TRMT44: variants seen among roughly 807,000 people sequenced by gnomAD.
The protein encoded by TRMT44 is tRNA methyltransferase 44 homolog.
TRMT44 carries 78 observed loss-of-function variants against 77.3 expected under a neutral mutation model. The observed-to-expected ratio is 1.01, with a 90% confidence interval of 0.84 to 1.22. The LOEUF is 1.22. Ranked by LOEUF, TRMT44 falls within the 50% of genes most tolerant of loss-of-function variation. The probability of loss-of-function intolerance (pLI) is 0.00; values close to 1 mark genes in which losing one functional copy is unlikely to be tolerated. For synonymous variants in TRMT44, 391 were observed against 383.3 expected (o/e 1.02, Z -0.23); for missense variants, 1,090 against 964.4 (o/e 1.13, Z -1.73).
chr4:8,470,917 G>A (rs1263417391), intron 9 of TRMT44, 167 bp from the exon 10 acceptor site: 5 of 555,980 alleles, frequency 9.0e-6, no homozygotes, highest in African/African-American at 3.8e-5. Context: ...CGGCCCTCAC[G>A]GTTTGGTGCG....
At chr4:8,516,180 A>C in the TRMT44 span, among the ~76,000 whole-genome samples, 10 of 152,256 alleles carry the variant, frequency 6.6e-5, no homozygotes, top group South Asian at 1.5e-3. Context: ...GCTCCAACCC[A>C]CCACCTTGTG....
the TRMT44 span, among the ~76,000 whole-genome samples, chr4:8,503,352 G>A: frequency 2.6e-5 from 4 of 152,328 alleles, no homozygotes; most frequent in South Asian, 2.1e-4. Flanking sequence ...CAGTCGGACC[G>A]GCTCAAGCAT....
chr4:8,496,988 A>T (rs572789177), downstream of TRMT44, among the ~76,000 whole-genome samples: 1 of 152,178 alleles, frequency 6.6e-6, no homozygotes, highest in African/African-American at 2.4e-5. Flanking sequence ...TCACTCTAAG[A>T]AAAGTAAAAG....
Position 8,451,346 on chromosome 4 carries a change from A to T in TRMT44, c.955-614A>T, listed in dbSNP as rs1176713810. ...TATTGTCTAAGGCGCTGTGACTGGA[A>T]ATAGAAATTTCAACTTTTAACATTG... is the stretch of plus-strand genomic sequence containing the variant. On this transcript the variant is annotated intron_variant, in intron 3 of 10. Transcript: ENST00000389737. This position sits in a 1 kb window ranked among gnomAD's most constrained non-coding sequence, Gnocchi z 4.1. Among the ~76,000 whole-genome samples the T allele has an allele frequency of 6.6e-6, 1 of 152,166 alleles. No individual in the cohort carries two copies. Among genetic ancestry groups the T allele is most frequent in the Non-Finnish European group, 1.5e-5 (1 of 68,034 alleles).
chr4:8,462,659 C>T (rs756516067), intron 6 of TRMT44, among the ~76,000 whole-genome samples: 2 of 152,296 alleles, frequency 1.3e-5, no homozygotes, highest in African/African-American at 2.4e-5. Context: ...GAGCCGAGAT[C>T]GCGCCACTGC....
chr4:8,459,924 C>T (rs1208673817), intron 6 of TRMT44, among the ~76,000 whole-genome samples: 1 of 152,074 alleles, frequency 6.6e-6, no homozygotes, highest in African/African-American at 2.4e-5. Context: ...TAGTGGCCGC[C>T]GCTGGAGAAG....
chr4:8,458,841 T>G (rs1368265014), intron 6 of TRMT44, among the ~76,000 whole-genome samples: 1 of 152,126 alleles, frequency 6.6e-6, no homozygotes, highest in Non-Finnish European at 1.5e-5. Flanking sequence ...ACTTTTATGT[T>G]TATATTATTG....
chr4:8,465,594 G>T, intron 8 of TRMT44, 33 bp downstream of exon 8: 1 of 1,579,956 alleles, frequency 6.3e-7, no homozygotes, highest in Non-Finnish European at 8.6e-7. Context: ...TCTAGGCGGT[G>T]TGTCGGTGTT....
At chr4:8,490,467 C>T (rs1488330593) in intron 2 of TRMT44, among the ~76,000 whole-genome samples, 4 of 151,360 alleles carry the variant, frequency 2.6e-5, no homozygotes, top group African/African-American at 7.3e-5. Flanking sequence ...TAAGGCAGCG[C>T]GTCTGGAGTT....
Position 8,444,280 on chromosome 4 carries a change from G to T in TRMT44, c.620-2196G>T, listed in dbSNP as rs568934970. ...AGGATGGTTACCAGAGGGTGGGAAGGGGAGTGGAGGGTTGGGGGAGAGGTG... is the reference window on the plus strand; with the variant it reads ...AGGATGGTTACCAGAGGGTGGGAAGTGGAGTGGAGGGTTGGGGGAGAGGTG... On this transcript the variant is annotated intron_variant, in intron 1 of 10. Coordinates refer to ENST00000389737, the MANE Select transcript of TRMT44 (RefSeq NM_152544.3). This position sits in a 1 kb window ranked among gnomAD's most constrained non-coding sequence, Gnocchi z 4.0. 5.3e-5 allele frequency among the ~76,000 whole-genome samples: 8 copies of T among 152,220 alleles called. No individual in the cohort carries two copies. The highest frequency in any genetic ancestry group is 1.9e-4 in the African/African-American group (8 of 41,548).
chr4:8,472,154 CTG>C (rs1353634180), intron 10 of TRMT44, among the ~76,000 whole-genome samples: 3 of 152,158 alleles, frequency 2.0e-5, no homozygotes, highest in Non-Finnish European at 4.4e-5. Flanking sequence ...GCACACATTT[CTG>C]TGAGTTGTGA....
chr4:8,441,324 G>A lies in TRMT44; in HGVS notation c.502G>A (p.Gly168Arg), dbSNP rs1288126823. 2.0e-6 allele frequency: 3 copies of A among 1,535,562 alleles called. No homozygotes were observed. The highest frequency in any genetic ancestry group is 2.4e-5 in the South Asian group (2 of 83,804). The change falls in exon 1 of 11, where the codon GGG (glycine) becomes AGG (arginine). Residue 168 changes from glycine (G) to arginine (R), a missense_variant. By Grantham distance (125) the Gly-to-Arg change is moderately radical (BLOSUM62 -2). Coordinates refer to ENST00000389737, the MANE Select transcript of TRMT44 (RefSeq NM_152544.3). ...SELLAFLTSS[G>R]AGSQPEAQRE... ...GTTGCTGGCCTTCCTCACCAGCTCCGGGGCGGGATCGCAGCCAGAGGCGCA... is the reference window on the plus strand; with the variant it reads ...GTTGCTGGCCTTCCTCACCAGCTCCAGGGCGGGATCGCAGCCAGAGGCGCA...
In TRMT44 at chr4:8,476,228, G is replaced by T. The variant is rs971261658; in HGVS notation, c.*227G>T. On this transcript the variant is annotated 3_prime_UTR_variant, in exon 11 of 11. Transcript: ENST00000389737. ...GACTGCCTGGCTTGTTTCAGATGCAGCCGCTTGAAACGTGCGCAGCATCTT... is the reference window on the plus strand; with the variant it reads ...GACTGCCTGGCTTGTTTCAGATGCATCCGCTTGAAACGTGCGCAGCATCTT... The T allele has an allele frequency of 3.4e-6, 2 of 587,140 alleles. No individual in the cohort carries two copies. Among genetic ancestry groups the T allele is most frequent in the African/African-American group, 1.9e-5 (1 of 53,658 alleles). 36.4% of individuals were successfully genotyped at this position (587,140 alleles called of 1,614,324 possible).
At chr4:8,492,100 G>A (rs999255528) in intron 2 of TRMT44, among the ~76,000 whole-genome samples, 37 of 152,222 alleles carry the variant, frequency 2.4e-4, no homozygotes, top group Non-Finnish European at 1.6e-4. Flanking sequence ...GTTCTTTCAG[G>A]CATCTGTTTC....
the TRMT44 span, among the ~76,000 whole-genome samples, chr4:8,499,610 G>T: frequency 0.013 from 1,561 of 117,710 alleles, 38 homozygotes; most frequent in African/African-American, 0.047. Flanking sequence ...TGTCCTGAGG[G>T]TCGATTTAGT....
intron 2 of TRMT44, among the ~76,000 whole-genome samples, chr4:8,487,729 A>C (rs1211017818): frequency 1.3e-5 from 2 of 152,062 alleles, no homozygotes; most frequent in Non-Finnish European, 2.9e-5. Context: ...CCCCTGCCTC[A>C]GAAAAGCAAA....
rs368835454 is a variant in TRMT44, at chr4:8,448,708, C to T, written c.735-961C>T. On this transcript the variant is annotated intron_variant, in intron 2 of 10. Coordinates refer to ENST00000389737, the MANE Select transcript of TRMT44 (RefSeq NM_152544.3). ...GTTCAGACCCACTTTGGGGTTGACT[C>T]TCTGGAGAATCTTCTGGAAGTGACT... is the stretch of plus-strand genomic sequence containing the variant. Among the ~76,000 whole-genome samples, 4 of 152,228 alleles carry T rather than the reference C, an allele frequency of 2.6e-5. No individual in the cohort carries two copies. In the East Asian group the frequency reaches 5.8e-4, roughly 22 times the overall value.
rs148158126 is a variant in TRMT44, at chr4:8,466,023, G to A, written c.1494+462G>A. Among the ~76,000 whole-genome samples the A allele has an allele frequency of 2.7e-3, 405 of 152,314 alleles. 3 individuals carry two copies. Among genetic ancestry groups the A allele is most frequent in the African/African-American group, 9.1e-3 (379 of 41,564 alleles). On this transcript the variant is annotated intron_variant, in intron 8 of 10. Coordinates refer to ENST00000389737, the MANE Select transcript of TRMT44 (RefSeq NM_152544.3). ...TGAAATGTCATTTGGGCAGAAGTTG[G>A]CCCGGGGGCTTTCTGTAAGCAGTGG...
At chr4:8,477,962 C>T (rs1727472379), downstream of TRMT44, 2 of 152,836 alleles carry the variant, frequency 1.3e-5, no homozygotes, top group African/African-American at 2.4e-5. Context: ...CAGGATGCCG[C>T]CCAAGCCTCG....
Sources: gnomAD v4.1 joint callset for allele counts (sites outside exome capture counted in the v4.1 genomes callset) on GRCh38, gnomAD v4.1.1 for gene constraint, Gnocchi (gnomAD v3.1) non-coding constraint, MANE v1.5 for transcripts, NCBI Gene and HGNC (gene_info 2026-07-23, HGNC 2026-07-21) for gene names.